The following NOS1 variants were observed in gnomAD, a reference collection of about 807,000 sequenced individuals.
The protein encoded by NOS1 is NOS type I.
A neutral mutation model predicts 164.5 loss-of-function variants in NOS1; 51 were observed. The ratio of observed to expected loss-of-function variants is 0.31; its 90% CI spans 0.25 to 0.39. The LOEUF is 0.39. Among genes scored for constraint, NOS1 ranks in the 10% least tolerant of loss-of-function variants. NOS1 has a pLI of 1.00. For synonymous variants in NOS1, 719 were observed against 745.8 expected (o/e 0.96, Z 0.59); for missense variants, 1,362 against 1,885.6 (o/e 0.72, Z 5.14).
chr12:117,293,666 GTATT>G (rs1378205622), intron 3 of NOS1, among the ~76,000 whole-genome samples: 1 of 151,202 alleles, frequency 6.6e-6, no homozygotes, highest in Admixed American at 6.6e-5. Context: ...ATTATTACTT[GTATT>G]ATTATTACTA....
At position 117,280,793 on chromosome 12, in the gene NOS1, G is replaced by T; in HGVS notation, c.1456C>A (p.Arg486Ser). Reference protein sequence around the residue: ...DFRVWNSQLIRYAGYKQPDGS... With the variant: ...DFRVWNSQLISYAGYKQPDGS... ...TCAGGCTGCTTGTAGCCAGCGTAGC[G>T]GATGAGCTGGGAGTTCCAGACTCGG... is the stretch of plus-strand genomic sequence containing the variant. Residue 486 changes from arginine to serine, a missense_variant, in exon 8 of 29, where the codon CGC becomes AGC. Physicochemically the swap from Arg to Ser is moderately radical, Grantham distance 110 (BLOSUM62 -1). Coordinates refer to ENST00000317775, the MANE Select transcript of NOS1 (RefSeq NM_000620.5). The T allele has an allele frequency of 6.2e-7, 1 of 1,614,202 alleles. No individual in the cohort carries two copies. Among genetic ancestry groups the T allele is most frequent in the Non-Finnish European group, 8.5e-7 (1 of 1,180,028 alleles).
chr12:117,274,621 T>C (rs1368085523), intron 9 of NOS1, among the ~76,000 whole-genome samples: 1 of 151,620 alleles, frequency 6.6e-6, no homozygotes, highest in Non-Finnish European at 1.5e-5. Context: ...ATACAAAAAC[T>C]TAGCTGGGCG....
intron 26 of NOS1, among the ~76,000 whole-genome samples, chr12:117,221,018 T>C (rs1956695217): frequency 6.6e-6 from 1 of 152,098 alleles, no homozygotes. Flanking sequence ...TGCCACGATG[T>C]CCTGACTCCT....
intron 1 of NOS1, among the ~76,000 whole-genome samples, chr12:117,344,346 A>T (rs374938915): frequency 5.4e-4 from 82 of 152,362 alleles, no homozygotes; most frequent in African/African-American, 1.8e-3. Flanking sequence ...GTTGAAATAT[A>T]TGAAATTAAC....
intron 11 of NOS1, among the ~76,000 whole-genome samples, chr12:117,266,638 A>G (rs967358061): frequency 1.3e-5 from 2 of 151,512 alleles, no homozygotes; most frequent in African/African-American, 2.4e-5. Flanking sequence ...TCCAGGCTCA[A>G]GTGATTCTCC....
intron 17 of NOS1, among the ~76,000 whole-genome samples, chr12:117,248,573 C>T (rs1592949405): frequency 6.6e-6 from 1 of 151,194 alleles, no homozygotes; most frequent in Non-Finnish European, 1.5e-5. Flanking sequence ...ATATGTGCCA[C>T]ATTTTCTTAA....
chr12:117,251,149 C>G (rs1193622328), intron 17 of NOS1, among the ~76,000 whole-genome samples: 1 of 152,146 alleles, frequency 6.6e-6, no homozygotes, highest in African/African-American at 2.4e-5. Context: ...CATGTAAGGA[C>G]ACAGCTGGAA....
At position 117,312,868 on chromosome 12, in the gene NOS1, T is replaced by C. The variant is rs575797421; in HGVS notation, c.726-1276A>G. 3.0e-3 allele frequency among the ~76,000 whole-genome samples: 452 copies of C among 152,176 alleles called. 1 individual carries two copies. Among genetic ancestry groups the C allele is most frequent in the African/African-American group, 0.01 (423 of 41,510 alleles). On this transcript the variant is annotated intron_variant, in intron 2 of 28. Coordinates refer to ENST00000317775, the MANE Select transcript of NOS1 (RefSeq NM_000620.5). ...GTAGGGGCTGTCACTATCATCATCA[T>C]CATCATCACCACCACCATCACCATC...
At chr12:117,225,987 T>G (rs1200192287) in intron 24 of NOS1, among the ~76,000 whole-genome samples, 1 of 152,128 alleles carries the variant, frequency 6.6e-6, no homozygotes, top group Non-Finnish European at 1.5e-5. Context: ...CAGACTTCAG[T>G]GTGTAAAAGA....
chr12:117,275,028 TTTAA>T (rs1438133451), intron 9 of NOS1, among the ~76,000 whole-genome samples: 2 of 152,196 alleles, frequency 1.3e-5, no homozygotes, highest in East Asian at 3.9e-4. Flanking sequence ...AAGAGTGTAA[TTTAA>T]TTGTTTGTAA....
At chr12:117,225,826 G>A (rs759459927) in intron 24 of NOS1, among the ~76,000 whole-genome samples, 9 of 152,044 alleles carry the variant, frequency 5.9e-5, no homozygotes, top group East Asian at 1.9e-4. Flanking sequence ...ATGGGGTTTC[G>A]CCATGTTGGC....
chr12:117,359,498 C>T (rs1260467436), intron 1 of NOS1, among the ~76,000 whole-genome samples: 1 of 152,212 alleles, frequency 6.6e-6, no homozygotes, highest in Non-Finnish European at 1.5e-5. Flanking sequence ...CCTCATTCCT[C>T]TCGGGAGGAG....
At chr12:117,304,909 G>A (rs12812274) in intron 3 of NOS1, 79,828 of 669,480 alleles carry the variant, frequency 0.12, 5,250 homozygotes, top group East Asian at 0.24. Context: ...TTTCCTCCAG[G>A]AACTTATAGT....
intron 2 of NOS1, among the ~76,000 whole-genome samples, chr12:117,328,952 T>A (rs1235519583): frequency 6.6e-6 from 1 of 152,224 alleles, no homozygotes. Context: ...CTGTACAGCA[T>A]GTGACTGTAC....
intron 27 of NOS1, among the ~76,000 whole-genome samples, chr12:117,219,513 G>A (rs1026949010): frequency 6.6e-6 from 1 of 151,972 alleles, no homozygotes; most frequent in African/African-American, 2.4e-5. Context: ...CACTATGTTA[G>A]TCAGGCTGGT....
In NOS1 at chr12:117,209,425, T is replaced by A; in HGVS notation, c.*5884A>T. On this transcript the variant is annotated 3_prime_UTR_variant, in exon 29 of 29. Coordinates refer to ENST00000317775, the MANE Select transcript of NOS1 (RefSeq NM_000620.5). ...TGACAGACCCTGCGCTACAGTCTCC[T>A]AGAACTTAGGAGTCAAATCTGGGCA... The A allele has an allele frequency of 1.0e-6, 1 of 985,438 alleles. No homozygotes were observed. The highest frequency in any genetic ancestry group is 1.7e-5 in the African/African-American group (1 of 57,354). The allele number at this position is 985,438 out of a possible 1,614,324, so 61.0% of individuals were successfully genotyped here. A position where few individuals can be genotyped will look rare whatever the true frequency, so the allele number is the denominator to read the frequency against.
At chr12:117,229,016 C>T (rs1264529331) in intron 22 of NOS1, among the ~76,000 whole-genome samples, 4 of 152,162 alleles carry the variant, frequency 2.6e-5, no homozygotes, top group African/African-American at 4.8e-5. Flanking sequence ...CTCCTGACTT[C>T]GTGATCCACC....
chr12:117,341,208 G>A (rs1215935671), intron 1 of NOS1, among the ~76,000 whole-genome samples: 2 of 152,188 alleles, frequency 1.3e-5, no homozygotes, highest in Non-Finnish European at 2.9e-5. Context: ...CCAGGTAAAA[G>A]GTACGGACAC....
chr12:117,326,657 G>A (rs983253181), intron 2 of NOS1, among the ~76,000 whole-genome samples: 3 of 152,228 alleles, frequency 2.0e-5, no homozygotes, highest in Non-Finnish European at 2.9e-5. Flanking sequence ...TGGGAGGGCC[G>A]CAAGGGATGA....
Sources: gnomAD v4.1 joint callset for allele counts (sites outside exome capture counted in the v4.1 genomes callset) on GRCh38, gnomAD v4.1.1 for gene constraint, MANE v1.5 for transcripts, NCBI Gene and HGNC (gene_info 2026-07-23, HGNC 2026-07-21) for gene names.